Variants in TRPM2 observed in about 807,000 individuals in gnomAD.
The protein encoded by TRPM2 is estrogen-responsive element-associated gene 1 protein.
TRPM2 carries 161 observed loss-of-function variants against 174.0 expected under a neutral mutation model. The observed-to-expected ratio is 0.93, with a 90% CI of 0.81 to 1.05. The LOEUF is 1.05. Among genes scored for constraint, TRPM2 ranks in the 50% least tolerant of loss-of-function variants. The probability of loss-of-function intolerance (pLI) is 0.00; values close to 1 mark genes in which losing one functional copy is unlikely to be tolerated. For synonymous variants in TRPM2, 954 were observed against 861.3 expected, an observed-to-expected ratio of 1.11 and a Z score of -1.88; for missense variants, 2,057 against 2,038.0, an observed-to-expected ratio of 1.01 and a Z score of -0.18.
At chr21:44,375,690 CAA>C (rs1235383278) in intron 5 of TRPM2, 141 bp from the exon 6 acceptor site, 2 of 893,540 alleles carry the variant, frequency 2.2e-6, no homozygotes, top group Non-Finnish European at 3.3e-6. Flanking sequence ...ATCACATGTG[CAA>C]AGTCGCTTTC....
intron 8 of TRPM2, 35 bp downstream of exon 8, chr21:44,379,232 G>A: frequency 2.5e-6 from 4 of 1,602,840 alleles, no homozygotes; most frequent in Non-Finnish European, 1.7e-6. Flanking sequence ...ACCAGCATGT[G>A]GCTGCTTTGC....
In TRPM2 at chr21:44,413,940, C is replaced by T. The variant is rs760932918; in HGVS notation, c.3012C>T (p.Tyr1004=). Reference sequence around the variant, plus strand: ...GCAGCCCCAATGGCACCGACCCCTACAAGCCTAAGTGCCCCGAGAGCGACG... The same window carrying T: ...GCAGCCCCAATGGCACCGACCCCTATAAGCCTAAGTGCCCCGAGAGCGACG... ...EHCSPNGTDP[Y]KPKCPESDAT... is the part of the protein sequence containing the mutation. Residue 1004 remains tyrosine (Y), a synonymous_variant, in exon 20 of 32, where the codon TAC becomes TAT. Transcript: ENST00000397928. The T allele has an allele frequency of 6.2e-7, 1 of 1,614,020 alleles. No homozygotes were observed. The highest frequency in any genetic ancestry group is 8.5e-7 in the Non-Finnish European group (1 of 1,179,996).
chr21:44,362,348 CAAAAA>C (rs57031573), intron 2 of TRPM2, among the ~76,000 whole-genome samples: 2 of 89,288 alleles, frequency 2.2e-5, no homozygotes, highest in African/African-American at 8.2e-5. Context: ...ACTAAAAATA[CAAAAA>C]AAAAAAAAAA....
rs1569024005 is a variant in TRPM2 at position 44,369,211 on chromosome 21, C to T, written c.639C>T (p.Gly213=). The change falls in exon 5 of 32, where the codon GGC becomes GGT. Residue 213 remains glycine, a synonymous_variant. Coordinates refer to ENST00000397928, the MANE Select transcript of TRPM2 (RefSeq NM_003307.4). ...AWIITGGSHT[G]VMKQVGEAVR... ...TCATCACAGGGGGGTCCCACACCGG[C>T]GTCATGAAGCAGGTAGGCGAGGCGG... 2.2e-5 allele frequency: 36 copies of T among 1,612,924 alleles called. 1 individual carries two copies. The highest frequency in any genetic ancestry group is 2.8e-5 in the Non-Finnish European group (33 of 1,179,606).
Position 44,353,753 on chromosome 21 carries a change from A to G in TRPM2, c.53A>G (p.Glu18Gly), listed in dbSNP as rs759985512. 32 of 1,593,868 alleles carry G rather than the reference A, an allele frequency of 2.0e-5. No homozygotes were observed. Among genetic ancestry groups the G allele is most frequent in the Non-Finnish European group, 2.4e-5 (28 of 1,171,866 alleles). The change falls in exon 1 of 32, where the codon GAG (glutamate) becomes GGG (glycine). Residue 18 changes from glutamate (E) to glycine (G), a missense_variant. Transcript: ENST00000397928. ...GGCTCGGAGCAGGAGGAGGGCTTTG[A>G]GGGGCTGCCCAGAAGGGTCACTGAC... The part of the protein sequence containing the change: ...KAGSEQEEGF[E>G]GLPRRVTDLG...
chr21:44,375,251 C>G (rs1290160406), intron 5 of TRPM2, among the ~76,000 whole-genome samples: 1 of 152,230 alleles, frequency 6.6e-6, no homozygotes, highest in Admixed American at 6.5e-5. Flanking sequence ...ACATTCTCTT[C>G]AAGGACGTTG....
chr21:44,414,143 G>A (rs953336320), intron 20 of TRPM2, 69 bp downstream of exon 20: 22 of 1,544,080 alleles, frequency 1.4e-5, no homozygotes, highest in Middle Eastern at 1.7e-4. Flanking sequence ...CAGTGGCCAT[G>A]CTGTCTCCAG....
chr21:44,388,981 ATGTAC>A (rs1464010813), intron 9 of TRPM2, among the ~76,000 whole-genome samples: 2 of 152,168 alleles, frequency 1.3e-5, no homozygotes, highest in African/African-American at 4.8e-5. Context: ...TCAATTCTAA[ATGTAC>A]TGTATAACAA....
chr21:44,391,827 G>A lies in TRPM2; in HGVS notation c.1794+202G>A, dbSNP rs1208468634. On this transcript the variant is annotated intron_variant, in intron 11 of 31. Coordinates refer to ENST00000397928, the MANE Select transcript of TRPM2 (RefSeq NM_003307.4). The surrounding 1 kb of genome is among the most constrained non-coding windows in gnomAD (Gnocchi z 5.0). Reference sequence around the variant, plus strand: ...TATTTTCTCGAAGTTCTGGAAGCCCGAAGTCCCAGATTAAGGCACCAGCAG... The same window carrying A: ...TATTTTCTCGAAGTTCTGGAAGCCCAAAGTCCCAGATTAAGGCACCAGCAG... 1.3e-5 allele frequency among the ~76,000 whole-genome samples: 2 copies of A among 152,210 alleles called. No homozygotes were observed. The highest frequency in any genetic ancestry group is 1.5e-5 in the Non-Finnish European group (1 of 68,046).
At chr21:44,400,863 G>A (rs1279419380) in intron 15 of TRPM2, among the ~76,000 whole-genome samples, 1 of 152,208 alleles carries the variant, frequency 6.6e-6, no homozygotes, top group Non-Finnish European at 1.5e-5. Flanking sequence ...GTCCCCACCT[G>A]CACCTCCTCA....
At chr21:44,395,384 C>CT in intron 11 of TRPM2, 30 bp from the exon 12 acceptor site, 1 of 1,609,558 alleles carries the variant, frequency 6.2e-7, no homozygotes, top group Non-Finnish European at 8.5e-7. Flanking sequence ...GGCGGCCCGG[C>CT]TGGGGCTCTG....
Position 44,439,278 on chromosome 21 carries a change from AC to A in TRPM2, c.4269+113del. Reference sequence around the variant, plus strand: ...AGCACCACTGGGTGGCAGCGGTCCCACCCAGCTTCACCAGGTGACGGTGGTC... The same window carrying A: ...AGCACCACTGGGTGGCAGCGGTCCCACCAGCTTCACCAGGTGACGGTGGTC... On this transcript the variant is annotated intron_variant, in intron 30 of 31. Coordinates refer to ENST00000397928, the MANE Select transcript of TRPM2 (RefSeq NM_003307.4). This position sits in a 1 kb window ranked among gnomAD's most constrained non-coding sequence, Gnocchi z 5.1. 1.1e-6 allele frequency: 1 copy of A among 926,654 alleles called. No individual in the cohort carries two copies. The highest frequency in any genetic ancestry group is 1.7e-6 in the Non-Finnish European group (1 of 599,588). The allele number at this position is 926,654 out of a possible 1,614,324, so 57.4% of individuals were successfully genotyped here.
In TRPM2 at chr21:44,435,200, G is replaced by A. The variant is rs2051196433; in HGVS notation, c.4044G>A (p.Leu1348=). 1 of 1,613,202 alleles carries A rather than the reference G, an allele frequency of 6.2e-7. No homozygotes were observed. The highest frequency in any genetic ancestry group is 8.5e-7 in the Non-Finnish European group (1 of 1,179,470). The change falls in exon 28 of 32, where the codon CTG becomes CTA. Residue 1348 remains leucine, a synonymous_variant. Transcript: ENST00000397928. ...SLSCFGPNHT[L]YPMVTRWRRN... ...GCTGCTTCGGACCCAACCACACGCT[G>A]TACCCCATGGTCACGCGGTGAGTTC...
chr21:44,368,386 C>T (rs370967403), intron 4 of TRPM2, among the ~76,000 whole-genome samples: 4 of 151,722 alleles, frequency 2.6e-5, no homozygotes, highest in African/African-American at 4.8e-5. Context: ...GGATAACAGG[C>T]GTGAGCCACC....
At chr21:44,395,388 G>A in intron 11 of TRPM2, 26 bp from the exon 12 acceptor site, 1 of 1,611,458 alleles carries the variant, frequency 6.2e-7, no homozygotes, top group Admixed American at 1.7e-5. Flanking sequence ...GCCCGGCTGG[G>A]GCTCTGACAG....
chr21:44,433,968 C>A (rs2238726), intron 27 of TRPM2, among the ~76,000 whole-genome samples: 23,598 of 152,088 alleles, frequency 0.16, 2,673 homozygotes, highest in African/African-American at 0.31. Context: ...GGAGGCTGCC[C>A]CGCCAGGCAG....
At position 44,364,145 on chromosome 21, in the gene TRPM2, G is replaced by C; in HGVS notation, c.286G>C (p.Glu96Gln). 1 of 1,614,122 alleles carries C rather than the reference G, an allele frequency of 6.2e-7. No homozygotes were observed. Among genetic ancestry groups the C allele is most frequent in the Non-Finnish European group, 8.5e-7 (1 of 1,180,006 alleles). The change falls in exon 3 of 32, where the codon GAG becomes CAG. Residue 96 changes from glutamate (E) to glutamine (Q), a missense_variant. Coordinates refer to ENST00000397928, the MANE Select transcript of TRPM2 (RefSeq NM_003307.4). ...GGTGTGTCAGTGTGGCTACACGCAT[G>C]AGCAGCACTTGGAGGAGGCTACCAA... is the stretch of plus-strand genomic sequence containing the variant. ...KVVCQCGYTHEQHLEEATKPH... is the reference protein window; with the variant it reads ...KVVCQCGYTHQQHLEEATKPH...
intron 8 of TRPM2, among the ~76,000 whole-genome samples, chr21:44,381,983 TA>T (rs141465124): frequency 7.1e-6 from 1 of 140,890 alleles, no homozygotes; most frequent in Non-Finnish European, 1.6e-5. Flanking sequence ...GATAGATAGA[TA>T]GATAGATAGA....
rs2051526963 is a variant in TRPM2 at position 44,442,033 on chromosome 21, A to G, written c.*216A>G. On this transcript the variant is annotated 3_prime_UTR_variant, in exon 32 of 32. Transcript: ENST00000397928. ...GTGACCCGGGAGGAGAGCTCAAGACAGGGCACAGGCTACTCAGAGCTGAGG... is the reference window on the plus strand; with the variant it reads ...GTGACCCGGGAGGAGAGCTCAAGACGGGGCACAGGCTACTCAGAGCTGAGG... The G allele has an allele frequency of 4.6e-6, 3 of 646,946 alleles. No homozygotes were observed. The highest frequency in any genetic ancestry group is 6.9e-6 in the Non-Finnish European group (3 of 435,482). The allele number at this position is 646,946 out of a possible 1,614,324, so 40.1% of individuals were successfully genotyped here.
Sources: allele counts gnomAD v4.1 joint callset (sites outside exome capture counted in the v4.1 genomes callset), GRCh38; gene constraint gnomAD v4.1.1; non-coding constraint Gnocchi (gnomAD v3.1); transcripts MANE v1.5; gene names NCBI Gene and HGNC (gene_info 2026-07-23, HGNC 2026-07-21).